The following PCDH15 variants were observed in gnomAD, a reference collection of about 807,000 sequenced individuals.
The protein encoded by PCDH15 is protocadherin-15.
A neutral mutation model predicts 178.5 loss-of-function variants in PCDH15; 129 were observed. The observed-to-expected ratio is 0.72, with a 90% confidence interval of 0.63 to 0.84. The LOEUF (loss-of-function observed/expected upper bound fraction) is 0.84, where lower values mean the gene tolerates loss of function less well. PCDH15 is among the 40% of genes least tolerant of loss of function. The probability of loss-of-function intolerance (pLI) is 0.00; values close to 1 mark genes in which losing one functional copy is unlikely to be tolerated. For missense variants in PCDH15, 2,230 were observed against 2,099.9 expected (o/e 1.06, Z -1.21); for synonymous variants, 800 against 732.0 (o/e 1.09, Z -1.50).
chr10:53,843,307 A>G (rs2077772094), intron 28 of PCDH15, among the ~76,000 whole-genome samples: 1 of 152,094 alleles, frequency 6.6e-6, no homozygotes. Context: ...AACACATTTC[A>G]TAAAAATCTA....
chr10:54,555,713 G>C (rs2087139553), intron 2 of PCDH15, among the ~76,000 whole-genome samples: 1 of 146,476 alleles, frequency 6.8e-6, no homozygotes, highest in Non-Finnish European at 1.5e-5. Context: ...CTCCAGCCTG[G>C]GTGACAGAGC....
At chr10:54,151,864 A>T (rs1023380892) in intron 14 of PCDH15, among the ~76,000 whole-genome samples, 1 of 152,208 alleles carries the variant, frequency 6.6e-6, no homozygotes, top group Admixed American at 6.5e-5. Flanking sequence ...AACATTTTGG[A>T]GGGAAAACAG....
chr10:53,839,481 T>C (rs2077511488), intron 29 of PCDH15, among the ~76,000 whole-genome samples: 1 of 152,050 alleles, frequency 6.6e-6, no homozygotes, highest in South Asian at 2.1e-4. Context: ...TTAAAAAGTA[T>C]AGACAAAGAA....
At chr10:55,134,680 T>C (rs895598289) in intron 2 of PCDH15, among the ~76,000 whole-genome samples, 6 of 152,154 alleles carry the variant, frequency 3.9e-5, no homozygotes, top group Non-Finnish European at 5.9e-5. Flanking sequence ...AGGTAGGTTA[T>C]CATTTGATAT....
chr10:54,255,613 A>G (rs987522488), intron 8 of PCDH15, among the ~76,000 whole-genome samples: 4 of 152,126 alleles, frequency 2.6e-5, no homozygotes, highest in African/African-American at 9.7e-5. Context: ...CTGAATTCAT[A>G]TGCTATTTTT....
intron 2 of PCDH15, among the ~76,000 whole-genome samples, chr10:54,595,606 T>C (rs767727702): frequency 1.3e-5 from 2 of 152,136 alleles, no homozygotes; most frequent in Non-Finnish European, 2.9e-5. Flanking sequence ...CAGAGGTAGC[T>C]GAAATGACAG....
chr10:54,213,966 G>T lies in PCDH15; in HGVS notation c.1068C>A (p.Asp356Glu). 1 of 1,606,370 alleles carries T rather than the reference G, an allele frequency of 6.2e-7. No individual in the cohort carries two copies. Among genetic ancestry groups the T allele is most frequent in the Non-Finnish European group, 8.5e-7 (1 of 1,173,256 alleles). Residue 356 changes from aspartate (D) to glutamate (E), a missense_variant, in exon 10 of 38, where the codon GAC becomes GAA. Transcript: ENST00000644397. ...ELSLLEPVNR[D>E]FHQKFDLVIK... ...TAACCAAATCAAATTTCTGGTGAAA[G>T]TCTCTGTTTACTGGCTCCAGGAGAC...
At chr10:55,148,432 C>A (rs909138956) in intron 2 of PCDH15, among the ~76,000 whole-genome samples, 3 of 151,760 alleles carry the variant, frequency 2.0e-5, no homozygotes, top group Non-Finnish European at 4.4e-5. Flanking sequence ...GGACTAGGAC[C>A]TATGGGATTC....
intron 3 of PCDH15, among the ~76,000 whole-genome samples, chr10:54,398,262 C>T (rs909177351): frequency 7.9e-5 from 12 of 151,472 alleles, no homozygotes; most frequent in African/African-American, 2.9e-4. Flanking sequence ...TAAAAAAACA[C>T]TATGGAAGAA....
intron 3 of PCDH15, among the ~76,000 whole-genome samples, chr10:54,390,546 C>T (rs1424774057): frequency 1.3e-5 from 2 of 152,270 alleles, no homozygotes; most frequent in Non-Finnish European, 1.5e-5. Flanking sequence ...CCACCCACCT[C>T]GGACTCCCAA....
Position 54,527,832 on chromosome 10 carries a change from A to G in PCDH15, c.137T>C (p.Ile46Thr). ...RGGPPATIVA[I>T]DEESRNGTIL... ...CTTACCATTCCGACTTTCTTCATCAATAGCAACTATGGTAGCTGGTGGTCC... is the reference window on the plus strand; with the variant it reads ...CTTACCATTCCGACTTTCTTCATCAGTAGCAACTATGGTAGCTGGTGGTCC... The change falls in exon 3 of 38, where the codon ATT becomes ACT. Residue 46 changes from isoleucine to threonine, a missense_variant. Transcript: ENST00000644397. The G allele has an allele frequency of 2.5e-6, 4 of 1,611,262 alleles. No individual in the cohort carries two copies. The South Asian group carries it at 4.4e-5, about 18-fold the overall frequency.
chr10:55,022,872 G>A (rs912294341), intron 2 of PCDH15, among the ~76,000 whole-genome samples: 2 of 149,608 alleles, frequency 1.3e-5, no homozygotes, highest in Non-Finnish European at 3.0e-5. Context: ...CACCATGACT[G>A]GCTAAATGAA....
chr10:54,626,137 A>G (rs1399521804), intron 2 of PCDH15, among the ~76,000 whole-genome samples: 4 of 152,194 alleles, frequency 2.6e-5, no homozygotes, highest in Non-Finnish European at 5.9e-5. Context: ...AAAGCATTTA[A>G]GAGGTGATTT....
At chr10:54,588,304 T>C (rs1200161321) in intron 2 of PCDH15, among the ~76,000 whole-genome samples, 2 of 152,210 alleles carry the variant, frequency 1.3e-5, no homozygotes, top group Admixed American at 1.3e-4. Flanking sequence ...GGTGACATAA[T>C]TATTGCCAAT....
At chr10:54,322,530 A>G (rs1428309591) in intron 7 of PCDH15, among the ~76,000 whole-genome samples, 1 of 152,040 alleles carries the variant, frequency 6.6e-6, no homozygotes, top group Admixed American at 6.6e-5. Context: ...GAAAATCTAG[A>G]GTAAAGTGAT....
chr10:55,300,648 C>G (rs747063833), intron 1 of PCDH15, among the ~76,000 whole-genome samples: 2 of 152,008 alleles, frequency 1.3e-5, no homozygotes, highest in Non-Finnish European at 1.5e-5. Context: ...AAAAATTAAG[C>G]TCAAGTATTA....
chr10:54,186,592 G>C (rs2048492324), intron 11 of PCDH15, among the ~76,000 whole-genome samples: 1 of 151,828 alleles, frequency 6.6e-6, no homozygotes, highest in African/African-American at 2.4e-5. Context: ...TCAGGATTTT[G>C]ACTTAAGGTC....
chr10:55,273,449 C>G (rs1240744337), intron 1 of PCDH15, among the ~76,000 whole-genome samples: 1 of 152,012 alleles, frequency 6.6e-6, no homozygotes, highest in Non-Finnish European at 1.5e-5. Context: ...AAGCTATTAT[C>G]TCCTATACAA....
At chr10:54,595,585 T>G (rs2092185948) in intron 2 of PCDH15, among the ~76,000 whole-genome samples, 1 of 152,130 alleles carries the variant, frequency 6.6e-6, no homozygotes, top group African/African-American at 2.4e-5. Context: ...CAGCAAGAAT[T>G]CCTAATGAGG....
Sources: allele counts gnomAD v4.1 joint callset (sites outside exome capture counted in the v4.1 genomes callset), GRCh38; gene constraint gnomAD v4.1.1; transcripts MANE v1.5; gene names NCBI Gene and HGNC (gene_info 2026-07-23, HGNC 2026-07-21).